TRIM48: variants seen among roughly 807,000 people sequenced by gnomAD.
TRIM48 encodes tripartite motif containing 48, also known as E3 ubiquitin-protein ligase TRIM48.
TRIM48 carries 31 observed loss-of-function variants against 29.5 expected under a neutral mutation model. The observed-to-expected ratio is 1.05, with a 90% CI of 0.79 to 1.42. The LOEUF is 1.42. Among genes scored for constraint, TRIM48 ranks in the 40% most tolerant of loss-of-function variants. TRIM48 has a pLI of 0.00. For missense variants in TRIM48, 344 were observed against 265.0 expected (o/e 1.30, Z -2.07); for synonymous variants, 128 against 90.6 (o/e 1.41, Z -2.34).
rs1473849479 is a variant in TRIM48 at position 55,266,508 on chromosome 11, C to A, written c.555+813C>A. 5.4e-5 allele frequency among the ~76,000 whole-genome samples: 8 copies of A among 146,870 alleles called. No homozygotes were observed. The South Asian group carries it at 1.5e-3, about 27-fold the overall frequency. The stretch of plus-strand genomic sequence containing the variant: ...AATCGTACAATCCAAATGAGAGAGG[C>A]AAAAATGGTCAACATGCAAATATGT... On this transcript the variant is annotated intron_variant, in intron 3 of 5. Transcript: ENST00000417545.
intron 3 of TRIM48, chr11:55,267,285 T>G: frequency 8.5e-7 from 1 of 1,176,910 alleles, no homozygotes; most frequent in Non-Finnish European, 1.2e-6. Context: ...ATTTGTGGAT[T>G]CTAAGAACTG....
intron 1 of TRIM48, among the ~76,000 whole-genome samples, 181 bp downstream of exon 1, chr11:55,262,492 A>T (rs577134756): frequency 6.6e-6 from 1 of 152,268 alleles, no homozygotes; most frequent in African/African-American, 2.4e-5. Flanking sequence ...ATTTTCTATC[A>T]TTCTTCAATA....
chr11:55,266,650 G>A (rs558685363), intron 3 of TRIM48, among the ~76,000 whole-genome samples: 1 of 147,540 alleles, frequency 6.8e-6, no homozygotes, highest in East Asian at 2.2e-4. Context: ...TTTAAAATAG[G>A]GTGGTCAGAA....
chr11:55,269,207 C>A lies in TRIM48; in HGVS notation c.579-35C>A, dbSNP rs774487008. The A allele has an allele frequency of 1.6e-5, 25 of 1,563,130 alleles. 2 individuals carry two copies. Among genetic ancestry groups the A allele is most frequent in the Non-Finnish European group, 2.2e-5 (25 of 1,160,500 alleles). On this transcript the variant is annotated intron_variant, in intron 4 of 5. Transcript: ENST00000417545. ...GTAGTGATTTTTATTTATTTTATGG[C>A]TGTAGATGTTGTAACTGCAGGTTTT...
chr11:55,264,392 G>T (rs1248496845), intron 1 of TRIM48, among the ~76,000 whole-genome samples: 1 of 147,564 alleles, frequency 6.8e-6, no homozygotes, highest in Non-Finnish European at 1.5e-5. Context: ...AAACGTGCAG[G>T]ACATGCAGGC....
At chr11:55,268,238 A>G in intron 3 of TRIM48, 112 bp from the exon 4 acceptor site, 1 of 986,008 alleles carries the variant, frequency 1.0e-6, no homozygotes, top group Non-Finnish European at 1.6e-6. Context: ...TGCAGAAGAG[A>G]AGAAGGTAGG....
chr11:55,266,367 G>T (rs1235186693), intron 3 of TRIM48, among the ~76,000 whole-genome samples: 2 of 146,926 alleles, frequency 1.4e-5, no homozygotes, highest in Non-Finnish European at 3.0e-5. Context: ...ATACTCTGAG[G>T]GTATGATAGC....
chr11:55,263,736 C>T (rs1245506597), intron 1 of TRIM48, among the ~76,000 whole-genome samples: 1 of 152,180 alleles, frequency 6.6e-6, no homozygotes, highest in Non-Finnish European at 1.5e-5. Flanking sequence ...CATGATTCTA[C>T]ACGAGGGGAA....
In TRIM48 at chr11:55,270,319, G is replaced by A. The variant is rs1397011493; in HGVS notation, c.*2-118G>A. ...AAGTTACAAGCAAAAGTGTCCTTGTGACTTTACGTTTCCTGGTAAATTAAC... is the reference window on the plus strand; with the variant it reads ...AAGTTACAAGCAAAAGTGTCCTTGTAACTTTACGTTTCCTGGTAAATTAAC... On this transcript the variant is annotated intron_variant, in intron 5 of 5. Coordinates refer to ENST00000417545, the MANE Select transcript of TRIM48 (RefSeq NM_024114.5). 2.1e-5 allele frequency: 17 copies of A among 793,134 alleles called. 1 individual carries two copies. In the South Asian group the frequency reaches 2.9e-4, roughly 13 times the overall value. The allele number at this position is 793,134 out of a possible 1,614,324, so 49.1% of individuals were successfully genotyped here.
chr11:55,270,454 C>G lies in TRIM48; in HGVS notation c.*19C>G. ...TTTTGCAGTGGATATTACTCTGCAT[C>G]ACAATGAAGCCAACAGTCATATCTT... On this transcript the variant is annotated 3_prime_UTR_variant, in exon 6 of 6. Transcript: ENST00000417545. 6.6e-7 allele frequency: 1 copy of G among 1,520,656 alleles called. No homozygotes were observed. The highest frequency in any genetic ancestry group is 1.8e-5 in the Admixed American group (1 of 55,092). The allele number at this position is 1,520,656 out of a possible 1,614,324, so 94.2% of individuals were successfully genotyped here.
In TRIM48 at chr11:55,267,820, G is replaced by A. The variant is rs188397945; in HGVS notation, c.556-530G>A. Among the ~76,000 whole-genome samples the A allele has an allele frequency of 1.8e-4, 26 of 147,886 alleles. 4 individuals are homozygous for A. The Admixed American group carries it at 1.8e-3, about 10-fold the overall frequency. On this transcript the variant is annotated intron_variant, in intron 3 of 5. Coordinates refer to ENST00000417545, the MANE Select transcript of TRIM48 (RefSeq NM_024114.5). ...GCCAAGGGATCCTACCAGGCCAAAG[G>A]TCCCTCCTACTTTATCCACCAGCCA... is the stretch of plus-strand genomic sequence containing the variant.
Position 55,270,814 on chromosome 11 carries a change from C to A in TRIM48, c.*379C>A. On this transcript the variant is annotated 3_prime_UTR_variant, in exon 6 of 6. Transcript: ENST00000417545. ...ACCTACCAACCATGTAGAATTATTCCTGGATTGTGAAGCTAGAACTGTGAG... is the reference window on the plus strand; with the variant it reads ...ACCTACCAACCATGTAGAATTATTCATGGATTGTGAAGCTAGAACTGTGAG... 3 of 1,574,800 alleles carry A rather than the reference C, an allele frequency of 1.9e-6. No homozygotes were observed. Among genetic ancestry groups the A allele is most frequent in the South Asian group, 1.2e-5 (1 of 83,470 alleles).
intron 3 of TRIM48, chr11:55,267,500 C>A (rs1166224959): frequency 6.3e-7 from 1 of 1,579,266 alleles, no homozygotes; most frequent in African/African-American, 1.4e-5. Flanking sequence ...TTTGGAGATG[C>A]TGAAAAAGAA....
At position 55,270,882 on chromosome 11, in the gene TRIM48, T is replaced by A; in HGVS notation, c.*447T>A. 1 of 1,561,850 alleles carries A rather than the reference T, an allele frequency of 6.4e-7. No homozygotes were observed. Among genetic ancestry groups the A allele is most frequent in the Non-Finnish European group, 8.7e-7 (1 of 1,147,952 alleles). ...AAAGCTCCCCTATATACACCATCCC[T>A]AATTGCTCCTTCTCACTTCCTCTCA... On this transcript the variant is annotated 3_prime_UTR_variant, in exon 6 of 6. Transcript: ENST00000417545.
intron 5 of TRIM48, 35 bp from the exon 6 acceptor site, chr11:55,270,402 C>A: frequency 4.3e-6 from 6 of 1,407,790 alleles, no homozygotes; most frequent in Non-Finnish European, 5.7e-6. Context: ...TTCTTTCTTT[C>A]TTTCTTTCTA....
At chr11:55,264,598 A>T (rs191182350) in intron 1 of TRIM48, among the ~76,000 whole-genome samples, 4 of 148,120 alleles carry the variant, frequency 2.7e-5, no homozygotes, top group Admixed American at 1.4e-4. Flanking sequence ...TAGGCTACTT[A>T]GAATCAAACC....
rs556024954 is a variant in TRIM48 at position 55,268,475 on chromosome 11, AT to A, written c.578+112del. Reference sequence around the variant, plus strand: ...CATAAACGATTAAGATATTGATACTATTTTTTTTTGCATCTTCTTTCATTCC... The same window carrying A: ...CATAAACGATTAAGATATTGATACTATTTTTTTTGCATCTTCTTTCATTCC... On this transcript the variant is annotated intron_variant, in intron 4 of 5. Coordinates refer to ENST00000417545, the MANE Select transcript of TRIM48 (RefSeq NM_024114.5). 1,484 of 1,149,644 alleles carry A rather than the reference AT, an allele frequency of 1.3e-3. 4 individuals carry two copies. The highest frequency in any genetic ancestry group is 1.8e-3 in the East Asian group (61 of 33,152). The allele number at this position is 1,149,644 out of a possible 1,614,324, so 71.2% of individuals were successfully genotyped here. A position where few individuals can be genotyped will look rare whatever the true frequency, so the allele number is the denominator to read the frequency against.
chr11:55,270,879 C>T lies in TRIM48; in HGVS notation c.*444C>T, dbSNP rs1857474773. On this transcript the variant is annotated 3_prime_UTR_variant, in exon 6 of 6. Coordinates refer to ENST00000417545, the MANE Select transcript of TRIM48 (RefSeq NM_024114.5). ...GTCAAAGCTCCCCTATATACACCAT[C>T]CCTAATTGCTCCTTCTCACTTCCTC... 2.6e-6 allele frequency: 4 copies of T among 1,562,340 alleles called. No homozygotes were observed. The highest frequency in any genetic ancestry group is 2.7e-5 in the African/African-American group (2 of 73,068).
rs202054751 is a variant in TRIM48, at chr11:55,265,142, C to T, written c.287C>T (p.Ala96Val). ...LKKMASLARKASLWLFLSSEE... is the reference protein window; with the variant it reads ...LKKMASLARKVSLWLFLSSEE... ...AAGATGGCTTCCCTTGCCAGAAAAG[C>T]CAGTCTCTGGCTATTCCTGAGCTCT... is the stretch of plus-strand genomic sequence containing the variant. The change falls in exon 2 of 6, where the codon GCC (alanine) becomes GTC (valine). Residue 96 changes from alanine to valine, a missense_variant. Physicochemically the swap from Ala to Val is moderately conservative, Grantham distance 64. Coordinates refer to ENST00000417545, the MANE Select transcript of TRIM48 (RefSeq NM_024114.5). The T allele has an allele frequency of 3.2e-6, 5 of 1,582,718 alleles. 1 individual carries two copies. Among genetic ancestry groups the T allele is most frequent in the Admixed American group, 1.7e-5 (1 of 58,540 alleles).
Sources: gnomAD v4.1 joint callset for allele counts (sites outside exome capture counted in the v4.1 genomes callset) on GRCh38, gnomAD v4.1.1 for gene constraint, MANE v1.5 for transcripts, NCBI Gene and HGNC (gene_info 2026-07-23, HGNC 2026-07-21) for gene names.